The following NKAIN2 variants were observed in gnomAD, a reference collection of about 807,000 sequenced individuals.
NKAIN2 encodes the protein sodium/potassium transporting ATPase interacting 2.
In NKAIN2, 14 loss-of-function variants were observed where a neutral mutation model predicts 32.6. The ratio of observed to expected loss-of-function variants is 0.43; its 90% CI spans 0.28 to 0.67. The LOEUF is 0.67. NKAIN2 is among the 30% of genes least tolerant of loss of function. NKAIN2 has a pLI of 0.17. For missense variants in NKAIN2, 198 were observed against 258.3 expected, an observed-to-expected ratio of 0.77 and a Z score of 1.60; for synonymous variants, 80 against 87.2, an observed-to-expected ratio of 0.92 and a Z score of 0.46.
Position 124,413,084 on chromosome 6 carries a change from T to C in NKAIN2, c.273+57737T>C, listed in dbSNP as rs571197751. Among the ~76,000 whole-genome samples the C allele has an allele frequency of 1.6e-4, 24 of 152,248 alleles. No individual in the cohort carries two copies. The East Asian group carries it at 4.5e-3, about 28-fold the overall frequency. Reference sequence around the variant, plus strand: ...AGGTGCTGTCTGTCACCCCTTTCTTTGACTAGGAAAGGGAATTCCCTGACC... The same window carrying C: ...AGGTGCTGTCTGTCACCCCTTTCTTCGACTAGGAAAGGGAATTCCCTGACC... On this transcript the variant is annotated intron_variant, in intron 3 of 6. Transcript: ENST00000368417.
chr6:123,911,849 A>C (rs1775225767), intron 1 of NKAIN2, among the ~76,000 whole-genome samples: 1 of 146,104 alleles, frequency 6.8e-6, no homozygotes, highest in Admixed American at 7.0e-5. Context: ...ACACACACAC[A>C]CACACACACA....
At chr6:124,730,382 A>T (rs1476005185) in intron 4 of NKAIN2, among the ~76,000 whole-genome samples, 1 of 101,812 alleles carries the variant, frequency 9.8e-6, no homozygotes, top group African/African-American at 3.8e-5. Context: ...ATGGAACAGA[A>T]CAGAGCCCTC....
chr6:124,595,187 C>T (rs767303228), intron 3 of NKAIN2, among the ~76,000 whole-genome samples: 9 of 152,176 alleles, frequency 5.9e-5, no homozygotes, highest in Non-Finnish European at 7.4e-5. Flanking sequence ...GTTGTTACTC[C>T]GTAAGAATCT....
At chr6:124,664,793 CAAAAAAAAAAAAAAAAAAAAAAAAA>C (rs57032378) in intron 4 of NKAIN2, among the ~76,000 whole-genome samples, 8 of 40,800 alleles carry the variant, frequency 2.0e-4, no homozygotes, top group South Asian at 1.7e-3. Context: ...GACTCCGTCT[CAAAAAAAAAAAAAAAAAAAAAAAAA>C]AAAAAAAAAA....
Position 124,229,481 on chromosome 6 carries a change from A to AAGATAGATAGAT in NKAIN2, c.55-53516_55-53505dup, listed in dbSNP as rs1392477690. 9.1e-5 allele frequency among the ~76,000 whole-genome samples: 12 copies of AAGATAGATAGAT among 132,208 alleles called. No homozygotes were observed. The East Asian group carries it at 3.0e-3, about 33-fold the overall frequency. The allele number at this position is 132,208 out of a possible 152,430, so 86.7% of individuals were successfully genotyped here. ...GTTCACATATTTCCAAGTATTTTCA[A>AAGATAGATAGAT]AGATAGATAGATAGATAGACAGATA... is the stretch of plus-strand genomic sequence containing the variant. On this transcript the variant is annotated intron_variant, in intron 1 of 6. Transcript: ENST00000368417.
chr6:124,704,375 T>C (rs1418457612), intron 4 of NKAIN2, among the ~76,000 whole-genome samples: 1 of 151,900 alleles, frequency 6.6e-6, no homozygotes, highest in African/African-American at 2.4e-5. Flanking sequence ...AGCAACTAAA[T>C]AAACAATGTA....
intron 1 of NKAIN2, among the ~76,000 whole-genome samples, chr6:123,816,810 A>G (rs529968076): frequency 7.2e-5 from 11 of 152,314 alleles, no homozygotes; most frequent in African/African-American, 2.6e-4. Flanking sequence ...AGAAGTCTAG[A>G]TCTTGAAGAG....
chr6:124,170,873 C>CA (rs1419734991), intron 1 of NKAIN2, among the ~76,000 whole-genome samples: 2 of 152,060 alleles, frequency 1.3e-5, no homozygotes, highest in Non-Finnish European at 2.9e-5. Context: ...AATTTTCTGA[C>CA]AAAATTTATC....
In NKAIN2 at chr6:124,088,399, A is replaced by C. The variant is rs1784282211; in HGVS notation, c.55-194606A>C. On this transcript the variant is annotated intron_variant, in intron 1 of 6. Coordinates refer to ENST00000368417, the MANE Select transcript of NKAIN2 (RefSeq NM_001040214.3). ...ACTCCAGCCCAACCAACAGAGTGAG[A>C]CCATGTCTCAAAAATAAAATAAAAA... Among the ~76,000 whole-genome samples, 4 of 152,006 alleles carry C rather than the reference A, an allele frequency of 2.6e-5. 1 individual carries two copies. In the South Asian group the frequency reaches 8.3e-4, roughly 32 times the overall value.
chr6:124,381,948 C>G (rs1031422690), intron 3 of NKAIN2, among the ~76,000 whole-genome samples: 2 of 152,136 alleles, frequency 1.3e-5, no homozygotes, highest in Non-Finnish European at 2.9e-5. Context: ...AATATCTTCT[C>G]TTTGTTTCCT....
chr6:124,268,518 A>C (rs930590787), intron 1 of NKAIN2, among the ~76,000 whole-genome samples: 3 of 152,136 alleles, frequency 2.0e-5, no homozygotes, highest in Non-Finnish European at 4.4e-5. Context: ...CATGCTGAGC[A>C]CTATGTGAAG....
At chr6:124,098,299 T>C (rs17086590) in intron 1 of NKAIN2, among the ~76,000 whole-genome samples, 5,263 of 152,282 alleles carry the variant, frequency 0.035, 172 homozygotes, top group East Asian at 0.11. Context: ...CTGTAAGCTC[T>C]TTGAGGACAG....
intron 1 of NKAIN2, among the ~76,000 whole-genome samples, chr6:123,890,646 A>G (rs1264650402): frequency 6.6e-6 from 1 of 152,168 alleles, no homozygotes; most frequent in Non-Finnish European, 1.5e-5. Flanking sequence ...TATTATTAAC[A>G]AAACAAAACA....
intron 1 of NKAIN2, among the ~76,000 whole-genome samples, chr6:124,164,122 A>G (rs1788411218): frequency 6.6e-6 from 1 of 152,110 alleles, no homozygotes; most frequent in African/African-American, 2.4e-5. Context: ...TGAAAACTCA[A>G]AAGTTAGAAT....
intron 1 of NKAIN2, among the ~76,000 whole-genome samples, chr6:124,073,383 C>T (rs1228631592): frequency 4.6e-5 from 7 of 152,148 alleles, no homozygotes; most frequent in African/African-American, 1.2e-4. Flanking sequence ...TAAAGTGATT[C>T]GTGAATGTCT....
chr6:124,590,934 A>C (rs1781888376), intron 3 of NKAIN2, among the ~76,000 whole-genome samples: 1 of 152,168 alleles, frequency 6.6e-6, no homozygotes, highest in Non-Finnish European at 1.5e-5. Context: ...ACAATCACTC[A>C]AGGGGTACAT....
intron 3 of NKAIN2, among the ~76,000 whole-genome samples, chr6:124,408,096 G>A (rs1773955070): frequency 6.6e-6 from 1 of 151,756 alleles, no homozygotes; most frequent in East Asian, 1.9e-4. Flanking sequence ...CTGGATATTA[G>A]CCCTTTGTCA....
chr6:124,616,748 A>G (rs1311783778), intron 3 of NKAIN2, among the ~76,000 whole-genome samples: 2 of 151,960 alleles, frequency 1.3e-5, no homozygotes, highest in Non-Finnish European at 2.9e-5. Flanking sequence ...TTTCTATAAT[A>G]TATTCTCTGC....
chr6:124,109,732 G>C (rs115699575), intron 1 of NKAIN2, among the ~76,000 whole-genome samples: 1,670 of 152,054 alleles, frequency 0.011, 34 homozygotes, highest in African/African-American at 0.036. Flanking sequence ...GATATTAGTT[G>C]TGGACTTTTC....
Sources: gnomAD v4.1 joint callset for allele counts (sites outside exome capture counted in the v4.1 genomes callset) on GRCh38, gnomAD v4.1.1 for gene constraint, MANE v1.5 for transcripts, NCBI Gene and HGNC (gene_info 2026-07-23, HGNC 2026-07-21) for gene names.